Variants in PALM2AKAP2 observed in about 807,000 individuals in gnomAD.
The protein encoded by PALM2AKAP2 is PALM2-AKAP2 fusion protein.
In PALM2AKAP2, 37 loss-of-function variants were observed where a neutral mutation model predicts 71.5. The observed-to-expected ratio is 0.52, with a 90% CI of 0.40 to 0.68. The LOEUF is 0.68. PALM2AKAP2 is among the 30% of genes least tolerant of loss of function. The probability of loss-of-function intolerance (pLI) is 0.00; values close to 1 mark genes in which losing one functional copy is unlikely to be tolerated. For missense variants in PALM2AKAP2, 1,224 were observed against 1,191.8 expected, an observed-to-expected ratio of 1.03 and a Z score of -0.40; for synonymous variants, 468 against 478.8, an observed-to-expected ratio of 0.98 and a Z score of 0.29.
chr9:109,725,371 A>G (rs867459150), intron 1 of PALM2AKAP2, among the ~76,000 whole-genome samples: 1 of 152,198 alleles, frequency 6.6e-6, no homozygotes, highest in Non-Finnish European at 1.5e-5. Context: ...AGCACGTTAA[A>G]TTTTGTGTCC....
At chr9:110,031,760 A>T (rs1423024504) in intron 7 of PALM2AKAP2, among the ~76,000 whole-genome samples, 1 of 152,178 alleles carries the variant, frequency 6.6e-6, no homozygotes, top group Non-Finnish European at 1.5e-5. Flanking sequence ...GAGAATAATG[A>T]GATGATGCTG....
intron 5 of PALM2AKAP2, among the ~76,000 whole-genome samples, chr9:109,929,886 A>AG (rs1348730476): frequency 6.8e-6 from 1 of 147,526 alleles, no homozygotes; most frequent in African/African-American, 2.5e-5. Flanking sequence ...AAAAAAAAAA[A>AG]AGAGAGAGAA....
At chr9:109,857,458 C>T (rs1214461237) in intron 1 of PALM2AKAP2, among the ~76,000 whole-genome samples, 1 of 152,220 alleles carries the variant, frequency 6.6e-6, no homozygotes, top group Non-Finnish European at 1.5e-5. Flanking sequence ...GAGAAATGCT[C>T]ACAAATGTAA....
chr9:110,124,255 A>G (rs1835549776), intron 1 of PALM2AKAP2, among the ~76,000 whole-genome samples: 1 of 152,146 alleles, frequency 6.6e-6, no homozygotes. Context: ...TGTGCAGACC[A>G]CAGGTGAACC....
At chr9:110,092,808 G>T (rs1336724088) in intron 1 of PALM2AKAP2, among the ~76,000 whole-genome samples, 1 of 152,160 alleles carries the variant, frequency 6.6e-6, no homozygotes, top group Non-Finnish European at 1.5e-5. Context: ...CTTGCTTGCT[G>T]TATCAAGGTG....
chr9:110,141,088 T>C (rs1318544601), intron 2 of PALM2AKAP2, among the ~76,000 whole-genome samples: 2 of 152,208 alleles, frequency 1.3e-5, no homozygotes, highest in Admixed American at 6.5e-5. Flanking sequence ...CATAAACAAC[T>C]GTCTAATATA....
At chr9:110,127,004 G>A (rs1043087273) in intron 1 of PALM2AKAP2, among the ~76,000 whole-genome samples, 2 of 152,216 alleles carry the variant, frequency 1.3e-5, no homozygotes, top group Non-Finnish European at 2.9e-5. Context: ...TCCAGTGAAG[G>A]GGTGGGGAGT....
intron 1 of PALM2AKAP2, among the ~76,000 whole-genome samples, chr9:110,058,504 C>T (rs1016172426): frequency 6.6e-6 from 1 of 152,150 alleles, no homozygotes; most frequent in Non-Finnish European, 1.5e-5. Flanking sequence ...CCTACCTTTC[C>T]GTTCTCAAGC....
At chr9:109,682,179 C>A (rs1478864996) in intron 1 of PALM2AKAP2, among the ~76,000 whole-genome samples, 2 of 152,142 alleles carry the variant, frequency 1.3e-5, no homozygotes, top group African/African-American at 4.8e-5. Flanking sequence ...ATGAGAAGTG[C>A]ATGGATTGAT....
intron 1 of PALM2AKAP2, among the ~76,000 whole-genome samples, chr9:109,665,596 G>T (rs961803440): frequency 2.0e-5 from 3 of 152,176 alleles, no homozygotes; most frequent in African/African-American, 7.2e-5. Context: ...TATATGAGGT[G>T]TCTGTTTACC....
At chr9:109,891,431 G>A (rs1050103804) in intron 3 of PALM2AKAP2, among the ~76,000 whole-genome samples, 3 of 152,136 alleles carry the variant, frequency 2.0e-5, no homozygotes, top group Admixed American at 2.0e-4. Context: ...CTGAGGAGAT[G>A]GAGATGAAGA....
Position 110,137,145 on chromosome 9 carries a change from A to G in PALM2AKAP2, c.1175A>G (p.His392Arg), listed in dbSNP as rs780272474. 1.6e-4 allele frequency: 264 copies of G among 1,613,554 alleles called. 2 individuals carry two copies. The Admixed American group carries it at 4.3e-3, about 26-fold the overall frequency. Reference sequence around the variant, plus strand: ...CTCTGCACAGCCCCTGCCTCTTCTCATGAACGCGCAAGCATGATTGACAAA... The same window carrying G: ...CTCTGCACAGCCCCTGCCTCTTCTCGTGAACGCGCAAGCATGATTGACAAA... Residue 392 changes from histidine to arginine, a missense_variant, in exon 2 of 4, where the codon CAT becomes CGT. His to Arg is a conservative substitution (Grantham distance 29). Coordinates refer to ENST00000374525, the Ensembl canonical transcript of PALM2AKAP2.
At chr9:109,873,878 A>G (rs1376010952) in intron 2 of PALM2AKAP2, among the ~76,000 whole-genome samples, 1 of 152,096 alleles carries the variant, frequency 6.6e-6, no homozygotes, top group African/African-American at 2.4e-5. Flanking sequence ...ACAGTGGTTC[A>G]TGCCTGTGAT....
intron 1 of PALM2AKAP2, among the ~76,000 whole-genome samples, chr9:109,672,388 C>G (rs10121176): frequency 0.65 from 98,754 of 152,008 alleles, 33,134 homozygotes; most frequent in African/African-American, 0.83. Flanking sequence ...AATTCTGTTT[C>G]TGTGATGAAT....
intron 1 of PALM2AKAP2, among the ~76,000 whole-genome samples, chr9:110,081,621 AG>A (rs1328844397): frequency 6.6e-6 from 1 of 152,174 alleles, no homozygotes; most frequent in African/African-American, 2.4e-5. Context: ...GAGGTGAGCC[AG>A]TCGAGGCCCC....
chr9:109,698,874 T>G (rs892699084), intron 1 of PALM2AKAP2, among the ~76,000 whole-genome samples: 3 of 152,210 alleles, frequency 2.0e-5, no homozygotes, highest in Non-Finnish European at 2.9e-5. Context: ...AGACTTACTT[T>G]TGAGAGTCAG....
chr9:110,141,104 A>G (rs115460598), intron 2 of PALM2AKAP2, among the ~76,000 whole-genome samples: 2,493 of 152,276 alleles, frequency 0.016, 78 homozygotes, highest in African/African-American at 0.057. Context: ...ATATAAAGAC[A>G]TTTCAATGCT....
chr9:110,016,892 T>C lies in PALM2AKAP2; in HGVS notation c.582+853T>C, dbSNP rs573083058. ...GAGCTGTAACTGGAGATATTTCTTT[T>C]TTTTTGAGACGGAGTCTCTCTCTTT... On this transcript the variant is annotated intron_variant, in intron 7 of 9. Coordinates refer to the PALM2AKAP2 transcript ENST00000302798. Among the ~76,000 whole-genome samples, 12 of 152,330 alleles carry C rather than the reference T, an allele frequency of 7.9e-5. No individual in the cohort carries two copies. In the East Asian group the frequency reaches 1.9e-3, roughly 24 times the overall value.
chr9:109,838,451 C>T (rs1828548384), intron 1 of PALM2AKAP2, among the ~76,000 whole-genome samples: 1 of 152,162 alleles, frequency 6.6e-6, no homozygotes, highest in Non-Finnish European at 1.5e-5. Context: ...GACACCCTAA[C>T]ATCACAATTA....
Sources: gnomAD v4.1 joint callset for allele counts (sites outside exome capture counted in the v4.1 genomes callset) on GRCh38, gnomAD v4.1.1 for gene constraint, MANE v1.5 for transcripts, NCBI Gene and HGNC (gene_info 2026-07-23, HGNC 2026-07-21) for gene names.